The following PEX5L variants were observed in gnomAD, a reference collection of about 807,000 sequenced individuals.
PEX5L encodes the protein peroxisomal biogenesis factor 5 like, also known as PEX5-related protein.
A neutral mutation model predicts 84.0 loss-of-function variants in PEX5L; 30 were observed. The observed-to-expected ratio is 0.36, with a 90% CI of 0.27 to 0.48. The LOEUF (loss-of-function observed/expected upper bound fraction) is 0.48, where lower values mean the gene tolerates loss of function less well. Among genes scored for constraint, PEX5L ranks in the 20% least tolerant of loss-of-function variants. The probability of loss-of-function intolerance (pLI) is 0.99; values close to 1 mark genes in which losing one functional copy is unlikely to be tolerated. For missense variants in PEX5L, 533 were observed against 754.6 expected, an observed-to-expected ratio of 0.71 and a Z score of 3.44; for synonymous variants, 270 against 283.1, an observed-to-expected ratio of 0.95 and a Z score of 0.46.
At position 179,960,839 on chromosome 3, in the gene PEX5L, A is replaced by G. The variant is rs76187461; in HGVS notation, c.93+10755T>C. Among the ~76,000 whole-genome samples, 117 of 152,308 alleles carry G rather than the reference A, an allele frequency of 7.7e-4. No homozygotes were observed. The East Asian group carries it at 0.02, about 27-fold the overall frequency. ...CTACTCCAATAGTTCATAAAATTTC[A>G]TGTGTCAATTTTGGGGACACATTTA... On this transcript the variant is annotated intron_variant, in intron 2 of 14. Coordinates refer to ENST00000467460, the MANE Select transcript of PEX5L (RefSeq NM_016559.3).
intron 1 of PEX5L, among the ~76,000 whole-genome samples, chr3:180,009,706 T>C (rs1579329438): frequency 6.6e-6 from 1 of 151,824 alleles, no homozygotes; most frequent in African/African-American, 2.4e-5. Context: ...GCACCTGTAG[T>C]TCCATGCCTA....
intron 8 of PEX5L, among the ~76,000 whole-genome samples, chr3:179,854,141 C>A (rs73058673): frequency 1.1e-4 from 16 of 150,088 alleles, no homozygotes; most frequent in African/African-American, 3.9e-4. Context: ...TGAGGCACCA[C>A]GCCAGACTTG....
chr3:179,936,132 AT>A (rs1578674481), intron 2 of PEX5L, among the ~76,000 whole-genome samples: 1 of 152,152 alleles, frequency 6.6e-6, no homozygotes, highest in African/African-American at 2.4e-5. Flanking sequence ...TGTATGTTGT[AT>A]GTGTGTTTCT....
At chr3:179,944,565 T>G (rs6801810) in intron 2 of PEX5L, among the ~76,000 whole-genome samples, 1 of 152,050 alleles carries the variant, frequency 6.6e-6, no homozygotes, top group Non-Finnish European at 1.5e-5. Flanking sequence ...CCCATTCTCA[T>G]CCCTTCCTTT....
At chr3:179,929,779 A>G (rs1560763221) in intron 2 of PEX5L, among the ~76,000 whole-genome samples, 2 of 152,086 alleles carry the variant, frequency 1.3e-5, no homozygotes, top group East Asian at 1.9e-4. Context: ...TCCCAAACCA[A>G]TCACATCTCC....
At chr3:179,997,722 T>C (rs1212359675) in intron 1 of PEX5L, among the ~76,000 whole-genome samples, 1 of 152,242 alleles carries the variant, frequency 6.6e-6, no homozygotes, top group Admixed American at 6.5e-5. Flanking sequence ...TGACTCCAAT[T>C]GCAAGTGCTT....
intron 1 of PEX5L, among the ~76,000 whole-genome samples, chr3:180,000,471 T>C (rs529850548): frequency 6.6e-6 from 1 of 152,050 alleles, no homozygotes; most frequent in Non-Finnish European, 1.5e-5. Context: ...CCTTTAGGAA[T>C]GAAGGTTTGG....
intron 7 of PEX5L, among the ~76,000 whole-genome samples, chr3:179,864,845 T>A (rs7634271): frequency 0.92 from 139,263 of 152,198 alleles, 63,815 homozygotes; most frequent in South Asian, 0.97. Flanking sequence ...AAAGGAAAAA[T>A]CTTTGTGCAT....
intron 3 of PEX5L, among the ~76,000 whole-genome samples, chr3:179,895,449 A>G (rs1758946246): frequency 6.6e-6 from 1 of 152,078 alleles, no homozygotes; most frequent in African/African-American, 2.4e-5. Context: ...GCTTTTTTAC[A>G]TACTATTTGA....
intron 2 of PEX5L, among the ~76,000 whole-genome samples, chr3:179,916,562 T>A (rs1424739401): frequency 6.6e-6 from 1 of 152,222 alleles, no homozygotes; most frequent in Non-Finnish European, 1.5e-5. Context: ...TTATAAACAC[T>A]GTACCCTTAG....
chr3:179,963,349 A>G (rs1475593260), intron 2 of PEX5L, among the ~76,000 whole-genome samples: 2 of 152,218 alleles, frequency 1.3e-5, no homozygotes, highest in African/African-American at 4.8e-5. Flanking sequence ...TCATTTTATC[A>G]AATGGGGATT....
intron 8 of PEX5L, among the ~76,000 whole-genome samples, chr3:179,847,180 A>G (rs1355903593): frequency 6.6e-6 from 1 of 151,326 alleles, no homozygotes; most frequent in Non-Finnish European, 1.5e-5. Context: ...ATATAGTGTG[A>G]TATTGGATGG....
chr3:179,955,835 G>A (rs529731521), intron 2 of PEX5L, among the ~76,000 whole-genome samples: 2 of 152,044 alleles, frequency 1.3e-5, no homozygotes, highest in African/African-American at 4.8e-5. Context: ...TAATTAATTT[G>A]ATGAGTTATA....
intron 14 of PEX5L, among the ~76,000 whole-genome samples, chr3:179,802,308 G>A (rs972875582): frequency 6.6e-6 from 1 of 152,072 alleles, no homozygotes; most frequent in African/African-American, 2.4e-5. Flanking sequence ...GCCAAGGCAG[G>A]TGGATCACTT....
chr3:180,024,383 A>C (rs139944141), intron 1 of PEX5L, among the ~76,000 whole-genome samples: 43,332 of 108,432 alleles, frequency 0.4, 8,940 homozygotes, highest in African/African-American at 0.58. Flanking sequence ...TACACACACA[A>C]AAAAAAAAAA....
intron 2 of PEX5L, among the ~76,000 whole-genome samples, chr3:179,962,013 T>A (rs947663871): frequency 2.8e-4 from 14 of 50,574 alleles, no homozygotes; most frequent in Admixed American, 3.4e-4. Context: ...CCCAGAGTAG[T>A]TTAGGAGATT....
intron 2 of PEX5L, among the ~76,000 whole-genome samples, chr3:179,920,364 G>A (rs904579669): frequency 6.6e-5 from 10 of 152,088 alleles, no homozygotes; most frequent in African/African-American, 1.9e-4. Flanking sequence ...TGGGCCTTTT[G>A]TAAAATCAAA....
intron 8 of PEX5L, among the ~76,000 whole-genome samples, chr3:179,822,128 T>C (rs1324104319): frequency 6.6e-6 from 1 of 152,208 alleles, no homozygotes; most frequent in African/African-American, 2.4e-5. Context: ...GAAAGACAAA[T>C]CTATCAAGTG....
intron 13 of PEX5L, among the ~76,000 whole-genome samples, 159 bp downstream of exon 13, chr3:179,808,113 A>G (rs144222052): frequency 6.6e-5 from 10 of 152,320 alleles, no homozygotes; most frequent in Admixed American, 6.5e-4. Flanking sequence ...AGGTATTTCA[A>G]TATTAACAGC....
Sources: allele counts gnomAD v4.1 joint callset (sites outside exome capture counted in the v4.1 genomes callset), GRCh38; gene constraint gnomAD v4.1.1; transcripts MANE v1.5; gene names NCBI Gene and HGNC (gene_info 2026-07-23, HGNC 2026-07-21).